Variants in TBRG1 observed in about 807,000 individuals in gnomAD.
TBRG1 encodes transforming growth factor beta regulator 1, also known as nuclear interactor of ARF and MDM2.
TBRG1 carries 31 observed loss-of-function variants against 44.0 expected under a neutral mutation model. The ratio of observed to expected loss-of-function variants is 0.70; its 90% CI spans 0.53 to 0.95. The LOEUF (loss-of-function observed/expected upper bound fraction) is 0.95. Ranked by LOEUF, TBRG1 falls within the 40% of genes least tolerant of loss-of-function variation. The pLI, the probability that TBRG1 is intolerant of heterozygous loss-of-function variation, is 0.00. For missense variants in TBRG1, 487 were observed against 496.1 expected (o/e 0.98, Z 0.18); for synonymous variants, 171 against 188.1 (o/e 0.91, Z 0.74).
At chr11:124,626,051 A>G (rs1490513325) in intron 3 of TBRG1, 148 bp downstream of exon 3, 13 of 1,196,914 alleles carry the variant, frequency 1.1e-5, no homozygotes, top group Non-Finnish European at 1.5e-5. Context: ...TTGAGAAAAC[A>G]AATGTCAAAT....
In TBRG1 at chr11:124,625,810, A is replaced by G. The variant is rs1005566099; in HGVS notation, c.361A>G (p.Ile121Val). Residue 121 changes from isoleucine to valine, a missense_variant, in exon 3 of 9, where the codon ATT becomes GTT. Coordinates refer to ENST00000441174, the MANE Select transcript of TBRG1 (RefSeq NM_032811.3). ...SVGTIQGAGP[I>V]SGPSTGAEEP... Reference sequence around the variant, plus strand: ...GGGAACTATACAGGGAGCTGGGCCTATTTCAGGGCCCAGCACTGGGGCTGA... The same window carrying G: ...GGGAACTATACAGGGAGCTGGGCCTGTTTCAGGGCCCAGCACTGGGGCTGA... 9.5e-6 allele frequency: 15 copies of G among 1,584,060 alleles called. No homozygotes were observed. Among genetic ancestry groups the G allele is most frequent in the Admixed American group, 7.3e-5 (4 of 55,092 alleles).
chr11:124,630,911 G>A, intron 7 of TBRG1, 56 bp downstream of exon 7: 1 of 1,243,054 alleles, frequency 8.0e-7, no homozygotes, highest in Non-Finnish European at 1.2e-6. Flanking sequence ...TCCGGCCAGG[G>A]ACTGGCAGTT....
chr11:124,627,161 G>A, intron 5 of TBRG1, 111 bp downstream of exon 5: 1 of 799,916 alleles, frequency 1.3e-6, no homozygotes. Context: ...CACCATTTGG[G>A]TAATCCCAAG....
rs1942373253 is a variant in TBRG1, at chr11:124,623,045, G to A, written c.-39G>A. The A allele has an allele frequency of 6.7e-7, 1 of 1,498,342 alleles. No individual in the cohort carries two copies. Among genetic ancestry groups the A allele is most frequent in the Non-Finnish European group, 8.9e-7 (1 of 1,125,178 alleles). 92.8% of individuals were successfully genotyped at this position (1,498,342 alleles called of 1,614,324 possible). A position where few individuals can be genotyped will look rare whatever the true frequency, so the allele number is the denominator to read the frequency against. ...CCCGCTCCCCGACTTAGGATCCGAT[G>A]CCGGCAGCGTCCTGGGGCCCCCGTA... On this transcript the variant is annotated 5_prime_UTR_variant, in exon 1 of 9. The change abolishes an upstream ATG in the 5' untranslated region. Coordinates refer to ENST00000441174, the MANE Select transcript of TBRG1 (RefSeq NM_032811.3).
At chr11:124,624,875 A>T in intron 1 of TBRG1, 56 bp from the exon 2 acceptor site, 1 of 1,168,932 alleles carries the variant, frequency 8.6e-7, no homozygotes, top group African/African-American at 2.1e-5. Flanking sequence ...TTCCCAGCAT[A>T]ATAATGTGAT....
chr11:124,623,178 A>AGAAGTACCGGCT lies in TBRG1; in HGVS notation c.104_115dup (p.Arg35_Tyr38dup). On this transcript the variant is annotated inframe_insertion, in exon 1 of 9. Transcript: ENST00000441174. ...AAGCTCCCGAAGAAGAGCCAGAATG[A>AGAAGTACCGGCT]GAAGTACCGGCTGAAGTACCTGCGG... The AGAAGTACCGGCT allele has an allele frequency of 7.1e-6, 11 of 1,551,700 alleles. No individual in the cohort carries two copies. Among genetic ancestry groups the AGAAGTACCGGCT allele is most frequent in the Non-Finnish European group, 9.6e-6 (11 of 1,146,988 alleles).
chr11:124,634,821 CTCAAG>C lies in TBRG1; in HGVS notation c.*2590_*2594del, dbSNP rs1374986918. The C allele has an allele frequency of 1.4e-4, 22 of 152,224 alleles. No homozygotes were observed. The South Asian group carries it at 1.9e-3, about 13-fold the overall frequency. The allele number at this position is 152,224 out of a possible 1,614,324, so 9.4% of individuals were successfully genotyped here. A position where few individuals can be genotyped will look rare whatever the true frequency, so the allele number is the denominator to read the frequency against. On this transcript the variant is annotated 3_prime_UTR_variant, in exon 9 of 9. Transcript: ENST00000441174. ...ATATGTACTGTATAAAATTATATAA[CTCAAG>C]TCAAGTGAATGGTTCAGCAAAATAG...
In TBRG1 at chr11:124,627,531, A is replaced by G. The variant is rs543830663; in HGVS notation, c.738+481A>G. ...TCTCAGTGCTAAGATTTGAGACAGT[A>G]CATTTTCCCCAACCATCATCTCCTG... On this transcript the variant is annotated intron_variant, in intron 5 of 8. Transcript: ENST00000441174. Among the ~76,000 whole-genome samples the G allele has an allele frequency of 1.2e-4, 19 of 152,340 alleles. No homozygotes were observed. In the South Asian group the frequency reaches 3.9e-3, roughly 32 times the overall value.
chr11:124,624,884 A>AT (rs5795426), intron 1 of TBRG1, 47 bp from the exon 2 acceptor site: 884,731 of 1,257,102 alleles, frequency 0.7, 315,019 homozygotes, highest in East Asian at 0.84. Flanking sequence ...TAATAATGTG[A>AT]TTTTTTTATT....
At position 124,635,315 on chromosome 11, in the gene TBRG1, G is replaced by A. The variant is rs570141140; in HGVS notation, c.*3077G>A. 3 of 152,332 alleles carry A rather than the reference G, an allele frequency of 2.0e-5. No homozygotes were observed. In the South Asian group the frequency reaches 6.2e-4, roughly 32 times the overall value. 9.4% of individuals were successfully genotyped at this position (152,332 alleles called of 1,614,324 possible). A position where few individuals can be genotyped will look rare whatever the true frequency, so the allele number is the denominator to read the frequency against. On this transcript the variant is annotated 3_prime_UTR_variant, in exon 9 of 9. Transcript: ENST00000441174. ...AACTGAACGAGTTGAATGCTAGGAAGTCCTCAGGGGAGCCAACGTTCCTTG... is the reference window on the plus strand; with the variant it reads ...AACTGAACGAGTTGAATGCTAGGAAATCCTCAGGGGAGCCAACGTTCCTTG...
intron 8 of TBRG1, 189 bp downstream of exon 8, chr11:124,631,606 T>C: frequency 1.6e-6 from 1 of 644,968 alleles, no homozygotes. Flanking sequence ...TACTCACAGA[T>C]GTCATGGGGA....
At position 124,623,005 on chromosome 11, in the gene TBRG1, A is replaced by C; in HGVS notation, c.-79A>C. ...CGATTCCGCTAGCCCGGAACAGACA[A>C]AGCCAGCGCTCCCGCCCGCTCCCCG... is the stretch of plus-strand genomic sequence containing the variant. On this transcript the variant is annotated 5_prime_UTR_variant, in exon 1 of 9. Transcript: ENST00000441174. 7.0e-7 allele frequency: 1 copy of C among 1,421,992 alleles called. No individual in the cohort carries two copies. Among genetic ancestry groups the C allele is most frequent in the Admixed American group, 2.7e-5 (1 of 37,498 alleles). The allele number at this position is 1,421,992 out of a possible 1,614,324, so 88.1% of individuals were successfully genotyped here.
chr11:124,626,147 A>C (rs113613278), intron 3 of TBRG1, among the ~76,000 whole-genome samples: 1 of 151,970 alleles, frequency 6.6e-6, no homozygotes, highest in African/African-American at 2.4e-5. Context: ...CCTTCCCCCA[A>C]CTCTCTGGGT....
chr11:124,632,817 C>G lies in TBRG1; in HGVS notation c.*579C>G, dbSNP rs1565402912. On this transcript the variant is annotated 3_prime_UTR_variant, in exon 9 of 9. Transcript: ENST00000441174. ...TAATCACCTCCCAAAGGCCCCACCT[C>G]CCAATACCATCACATTAGGGGTTAG... The G allele has an allele frequency of 6.6e-6, 1 of 152,360 alleles. No individual in the cohort carries two copies. The highest frequency in any genetic ancestry group is 1.9e-4 in the East Asian group (1 of 5,186). The allele number at this position is 152,360 out of a possible 1,614,324, so 9.4% of individuals were successfully genotyped here.
chr11:124,623,243 A>AC lies in TBRG1; in HGVS notation c.150+13dup. The AC allele has an allele frequency of 1.9e-6, 3 of 1,551,360 alleles. No individual in the cohort carries two copies. Among genetic ancestry groups the AC allele is most frequent in the Non-Finnish European group, 2.6e-6 (3 of 1,146,982 alleles). ...CAAGGCCACGGTGTTTGTGAGTCTG[A>AC]CCCACGTTCAGCCGGTCCCCTCCTG... On this transcript the variant is annotated intron_variant, in intron 1 of 8. Coordinates refer to ENST00000441174, the MANE Select transcript of TBRG1 (RefSeq NM_032811.3).
At position 124,622,899 on chromosome 11, in the gene TBRG1, C is replaced by G; in HGVS notation, c.-185C>G. The G allele has an allele frequency of 1.6e-6, 1 of 614,720 alleles. No individual in the cohort carries two copies. The highest frequency in any genetic ancestry group is 2.7e-6 in the Non-Finnish European group (1 of 365,334). The allele number at this position is 614,720 out of a possible 1,614,324, so 38.1% of individuals were successfully genotyped here. A position where few individuals can be genotyped will look rare whatever the true frequency, so the allele number is the denominator to read the frequency against. On this transcript the variant is annotated 5_prime_UTR_variant, in exon 1 of 9. Transcript: ENST00000441174. ...CAGACACGGAAGTGCTGGGAGGCGCCGGGAGCCCGTTCGGTTGCGGGTGTC... is the reference window on the plus strand; with the variant it reads ...CAGACACGGAAGTGCTGGGAGGCGCGGGGAGCCCGTTCGGTTGCGGGTGTC...
chr11:124,627,758 T>C (rs1007688074), intron 5 of TBRG1, among the ~76,000 whole-genome samples: 2 of 152,036 alleles, frequency 1.3e-5, no homozygotes, highest in African/African-American at 4.8e-5. Flanking sequence ...TTAGGCATAG[T>C]TGAGAGCTTA....
Position 124,634,202 on chromosome 11 carries a change from C to G in TBRG1, c.*1964C>G, listed in dbSNP as rs1291691872. ...ACAAAAAATTAGCCAGGCGTGGTGG[C>G]ACGCGCCTGTAGTCCCAGCTACTCG... On this transcript the variant is annotated 3_prime_UTR_variant, in exon 9 of 9. Transcript: ENST00000441174. 2 of 152,204 alleles carry G rather than the reference C, an allele frequency of 1.3e-5. No individual in the cohort carries two copies. The highest frequency in any genetic ancestry group is 4.8e-5 in the African/African-American group (2 of 41,422). The allele number at this position is 152,204 out of a possible 1,614,324, so 9.4% of individuals were successfully genotyped here.
At chr11:124,625,508 T>C (rs1163101967) in intron 2 of TBRG1, among the ~76,000 whole-genome samples, 163 bp from the exon 3 acceptor site, 1 of 152,242 alleles carries the variant, frequency 6.6e-6, no homozygotes, top group Non-Finnish European at 1.5e-5. Context: ...AAGTATTGAT[T>C]ATCCTCCAGG....
Sources: gnomAD v4.1 joint callset for allele counts (sites outside exome capture counted in the v4.1 genomes callset) on GRCh38, gnomAD v4.1.1 for gene constraint, MANE v1.5 for transcripts, NCBI Gene and HGNC (gene_info 2026-07-23, HGNC 2026-07-21) for gene names.